Variants in FOCAD observed in about 807,000 individuals in gnomAD.
The protein encoded by FOCAD is focadhesin, also known as KIAA1797.
Under a neutral mutation model 225.6 loss-of-function variants are expected in FOCAD, and 198 were observed. The observed-to-expected ratio is 0.88, with a 90% CI of 0.78 to 0.99. The LOEUF (loss-of-function observed/expected upper bound fraction) is 0.99, where lower values mean the gene tolerates loss of function less well. FOCAD is among the 50% of genes least tolerant of loss of function. The pLI is 0.00. For missense variants in FOCAD, 2,713 were observed against 2,123.6 expected, an observed-to-expected ratio of 1.28 and a Z score of -5.46; for synonymous variants, 897 against 755.0, an observed-to-expected ratio of 1.19 and a Z score of -3.08.
chr9:20,882,411 G>C (rs1830753444), intron 20 of FOCAD, among the ~76,000 whole-genome samples: 1 of 152,186 alleles, frequency 6.6e-6, no homozygotes. Flanking sequence ...CAGGACATTT[G>C]CTGAATTTTG....
At chr9:20,858,689 G>A (rs576023644) in intron 15 of FOCAD, among the ~76,000 whole-genome samples, 1 of 151,996 alleles carries the variant, frequency 6.6e-6, no homozygotes, top group Non-Finnish European at 1.5e-5. Flanking sequence ...TAGGTGGTTT[G>A]TTTGAAGTTT....
At chr9:20,745,039 A>G (rs182920201) in intron 5 of FOCAD, among the ~76,000 whole-genome samples, 1 of 151,012 alleles carries the variant, frequency 6.6e-6, no homozygotes, top group Admixed American at 6.6e-5. Flanking sequence ...TCCCTTTTTT[A>G]TTTGGTCTGA....
rs1564195295 is a variant in FOCAD at position 20,951,010 on chromosome 9, TG to T, written c.3967del (p.Val1323Ter). ...RTLTQVISVS[G>X]VIGLQSNAVW... Reference sequence around the variant, plus strand: ...TTTATTTGTAGGTCATTAGTGTCTCTGGGGTGATTGGTCTCCAGTCAAATGC... The same window carrying T: ...TTTATTTGTAGGTCATTAGTGTCTCTGGGTGATTGGTCTCCAGTCAAATGC... On this transcript the variant is annotated frameshift_variant, in exon 34 of 44. Coordinates refer to ENST00000338382, the MANE Select transcript of FOCAD (RefSeq NM_001375567.1). LOFTEE classifies it high-confidence loss of function. The T allele has an allele frequency of 1.2e-6, 2 of 1,613,352 alleles. No homozygotes were observed. The highest frequency in any genetic ancestry group is 2.2e-5 in the South Asian group (2 of 91,036).
At chr9:20,666,268 T>A (rs1251124826) in intron 2 of FOCAD, among the ~76,000 whole-genome samples, 1 of 152,134 alleles carries the variant, frequency 6.6e-6, no homozygotes, top group Admixed American at 6.5e-5. Context: ...ATATTACATA[T>A]AGCATGAATA....
intron 28 of FOCAD, among the ~76,000 whole-genome samples, chr9:20,940,064 C>T (rs1438355588): frequency 6.6e-6 from 1 of 152,050 alleles, no homozygotes; most frequent in Non-Finnish European, 1.5e-5. Context: ...GGTTTTCTAT[C>T]CTTTTTAATG....
chr9:20,852,973 G>A (rs1291088347), intron 15 of FOCAD, among the ~76,000 whole-genome samples: 2 of 151,636 alleles, frequency 1.3e-5, no homozygotes, highest in African/African-American at 4.8e-5. Flanking sequence ...TATTAGAAAA[G>A]AGGAAGGAGT....
At chr9:20,899,962 A>G (rs1162395157) in intron 21 of FOCAD, among the ~76,000 whole-genome samples, 3 of 151,834 alleles carry the variant, frequency 2.0e-5, no homozygotes, top group Non-Finnish European at 1.5e-5. Context: ...TCCTCTGTAC[A>G]GGGGACATGC....
chr9:20,752,788 T>G (rs888242693), intron 5 of FOCAD, among the ~76,000 whole-genome samples: 1 of 152,190 alleles, frequency 6.6e-6, no homozygotes, highest in African/African-American at 2.4e-5. Context: ...TTCCTACCCA[T>G]GAGCATGGAA....
chr9:20,723,069 A>G (rs1173543126), intron 4 of FOCAD, among the ~76,000 whole-genome samples: 2 of 152,216 alleles, frequency 1.3e-5, no homozygotes. Flanking sequence ...TATCATTCAC[A>G]CATCAGTATT....
chr9:20,955,459 T>G (rs533371086), intron 35 of FOCAD, among the ~76,000 whole-genome samples: 1 of 152,200 alleles, frequency 6.6e-6, no homozygotes, highest in South Asian at 2.1e-4. Flanking sequence ...AAAAAGATAC[T>G]AAATAGATGA....
At chr9:20,747,052 T>G (rs1023659038) in intron 5 of FOCAD, among the ~76,000 whole-genome samples, 1 of 152,158 alleles carries the variant, frequency 6.6e-6, no homozygotes, top group African/African-American at 2.4e-5. Flanking sequence ...ATAGTTATCA[T>G]TTTTTTGAAC....
intron 1 of FOCAD, among the ~76,000 whole-genome samples, chr9:20,713,123 G>A (rs1014242037): frequency 6.6e-6 from 1 of 152,160 alleles, no homozygotes; most frequent in South Asian, 2.1e-4. Flanking sequence ...TACCCCAAGT[G>A]ATTCTATTGA....
chr9:20,994,933 A>T (rs1482220378), intron 43 of FOCAD, among the ~76,000 whole-genome samples: 26 of 151,678 alleles, frequency 1.7e-4, no homozygotes, highest in Admixed American at 1.7e-3. Flanking sequence ...ATATTATTAT[A>T]TTTCAAATAA....
chr9:20,757,859 C>T (rs1234862408), intron 5 of FOCAD, among the ~76,000 whole-genome samples: 1 of 152,138 alleles, frequency 6.6e-6, no homozygotes, highest in Non-Finnish European at 1.5e-5. Flanking sequence ...ATCTCTGAGG[C>T]TCCTGTGTCC....
chr9:20,938,430 G>T (rs1442668985), intron 28 of FOCAD, among the ~76,000 whole-genome samples: 1 of 152,158 alleles, frequency 6.6e-6, no homozygotes, highest in African/African-American at 2.4e-5. Flanking sequence ...ATCCTTTGTA[G>T]GGACATGGAT....
intron 2 of FOCAD, among the ~76,000 whole-genome samples, chr9:20,663,262 C>T (rs941146955): frequency 5.9e-5 from 9 of 152,000 alleles, no homozygotes; most frequent in African/African-American, 1.9e-4. Flanking sequence ...CATGGTGGCA[C>T]ATGTCTGTAT....
intron 5 of FOCAD, among the ~76,000 whole-genome samples, chr9:20,756,159 C>G (rs906676468): frequency 6.6e-6 from 1 of 152,114 alleles, no homozygotes; most frequent in African/African-American, 2.4e-5. Flanking sequence ...GATACGATTT[C>G]TGAGTTTTGG....
rs141203387 is a variant in FOCAD at position 20,739,499 on chromosome 9, A to C, written c.288-737A>C. On this transcript the variant is annotated intron_variant, in intron 4 of 43. Coordinates refer to ENST00000338382, the MANE Select transcript of FOCAD (RefSeq NM_001375567.1). ...ATGCCTGTAATCCCAGCTACTTGGGAGGTTGAGGCAGGAGAATCAGTTGAA... is the reference window on the plus strand; with the variant it reads ...ATGCCTGTAATCCCAGCTACTTGGGCGGTTGAGGCAGGAGAATCAGTTGAA... Among the ~76,000 whole-genome samples, 429 of 152,026 alleles carry C rather than the reference A, an allele frequency of 2.8e-3. 1 individual carries two copies. The highest frequency in any genetic ancestry group is 9.9e-3 in the African/African-American group (410 of 41,466).
intron 4 of FOCAD, among the ~76,000 whole-genome samples, chr9:20,733,804 C>G (rs989146075): frequency 3.3e-5 from 5 of 151,970 alleles, no homozygotes; most frequent in African/African-American, 1.2e-4. Flanking sequence ...GAGTTTGAGA[C>G]CAGCCTAGGC....
Sources: gnomAD v4.1 joint callset for allele counts (sites outside exome capture counted in the v4.1 genomes callset) on GRCh38, gnomAD v4.1.1 for gene constraint, MANE v1.5 for transcripts, NCBI Gene and HGNC (gene_info 2026-07-23, HGNC 2026-07-21) for gene names.